NBN: variants seen among roughly 807,000 people sequenced by gnomAD.
NBN encodes the protein nibrin.
In NBN, 88 loss-of-function variants were observed where a neutral mutation model predicts 90.8. The ratio of observed to expected loss-of-function variants is 0.97; its 90% CI spans 0.82 to 1.16. The LOEUF (loss-of-function observed/expected upper bound fraction) is 1.16, where lower values mean the gene tolerates loss of function less well. NBN is among the 50% of genes most tolerant of loss of function. The pLI is 0.00. For synonymous variants in NBN, 328 were observed against 295.1 expected (o/e 1.11, Z -1.14); for missense variants, 894 against 869.6 (o/e 1.03, Z -0.35).
At chr8:89,981,783 T>C (rs1812083088) in intron 2 of NBN, 1 of 507,630 alleles carries the variant, frequency 2.0e-6, no homozygotes, top group Non-Finnish European at 3.5e-6. Context: ...GGGATTCTCC[T>C]GACCCCTCAC....
Position 89,939,589 on chromosome 8 carries a change from G to A in NBN, c.2185-2514C>T, listed in dbSNP as rs139841066. 3.3e-4 allele frequency among the ~76,000 whole-genome samples: 50 copies of A among 152,322 alleles called. No individual in the cohort carries two copies. The East Asian group carries it at 7.7e-3, about 23-fold the overall frequency. On this transcript the variant is annotated intron_variant, in intron 14 of 15. Transcript: ENST00000265433. ...TGCCATACGCTTAAAAAGTGCAGCT[G>A]TAAAAAGAACCAAATGATTCTGATG...
intron 11 of NBN, among the ~76,000 whole-genome samples, chr8:89,948,263 AT>A (rs1282474354): frequency 5.3e-5 from 8 of 152,226 alleles, no homozygotes; most frequent in African/African-American, 1.9e-4. Flanking sequence ...AAATACCAAA[AT>A]ATTAACCATG....
chr8:89,984,567 C>T lies in NBN; in HGVS notation c.-6G>A. 1 of 1,613,016 alleles carries T rather than the reference C, an allele frequency of 6.2e-7. No individual in the cohort carries two copies. The highest frequency in any genetic ancestry group is 2.2e-5 in the East Asian group (1 of 44,860). ...GCGGGCAGCAGTTTCCACATCGGTC[C>T]GGCTCCTCAGGGCTGGGGCCGACGT... On this transcript the variant is annotated 5_prime_UTR_variant, in exon 1 of 16. Coordinates refer to ENST00000265433, the MANE Select transcript of NBN (RefSeq NM_002485.5).
rs751570713 is a variant in NBN at position 89,935,609 on chromosome 8, G to A, written c.2238C>T (p.Tyr746=). The A allele has an allele frequency of 6.2e-7, 1 of 1,607,556 alleles. No homozygotes were observed. ...EESLADDLFR[Y]NPYLKRRR ...ATCTTCTCCTTTTTAAATAAGGATTGTATCTGCAAAGAAAGAAATGGGGTT... is the reference window on the plus strand; with the variant it reads ...ATCTTCTCCTTTTTAAATAAGGATTATATCTGCAAAGAAAGAAATGGGGTT... Residue 746 remains tyrosine, a synonymous_variant, in exon 16 of 16, where the codon TAC becomes TAT. Coordinates refer to ENST00000265433, the MANE Select transcript of NBN (RefSeq NM_002485.5).
At chr8:89,936,945 C>G (rs1318485887) in intron 15 of NBN, 81 bp downstream of exon 15, 2 of 1,165,004 alleles carry the variant, frequency 1.7e-6, no homozygotes, top group Admixed American at 1.7e-5. Context: ...ACAGAAGAAA[C>G]AAATTCTTAA....
At chr8:89,960,690 G>C (rs1468336687) in intron 8 of NBN, among the ~76,000 whole-genome samples, 1 of 151,810 alleles carries the variant, frequency 6.6e-6, no homozygotes, top group Non-Finnish European at 1.5e-5. Context: ...CAAAATAACT[G>C]GTGTTTGTTA....
At chr8:89,964,584 C>G in intron 7 of NBN, 77 bp from the exon 8 acceptor site, 1 of 1,411,382 alleles carries the variant, frequency 7.1e-7, no homozygotes, top group Non-Finnish European at 9.8e-7. Flanking sequence ...CAAGATAAAG[C>G]AACCTCTTTT....
chr8:89,942,451 G>GA (rs1809994467), intron 14 of NBN, among the ~76,000 whole-genome samples: 1 of 152,070 alleles, frequency 6.6e-6, no homozygotes, highest in African/African-American at 2.4e-5. Flanking sequence ...GAGTTACAAA[G>GA]AAAACAATCA....
intron 8 of NBN, among the ~76,000 whole-genome samples, chr8:89,960,593 G>A (rs1370918035): frequency 3.3e-5 from 5 of 152,084 alleles, no homozygotes; most frequent in Non-Finnish European, 7.4e-5. Context: ...TCAAGGCTGC[G>A]TGAGTTATGA....
chr8:89,957,293 G>A (rs1021975763), intron 9 of NBN, among the ~76,000 whole-genome samples: 11 of 152,102 alleles, frequency 7.2e-5, no homozygotes, highest in African/African-American at 2.7e-4. Flanking sequence ...GTATGTTTAT[G>A]TCTTTGTTTT....
chr8:89,973,495 T>C (rs1811605300), intron 5 of NBN, among the ~76,000 whole-genome samples: 2 of 152,216 alleles, frequency 1.3e-5, no homozygotes, highest in Admixed American at 1.3e-4. Flanking sequence ...ACATGGGTTA[T>C]TCTTAGTAAT....
intron 8 of NBN, among the ~76,000 whole-genome samples, chr8:89,962,914 T>G (rs1464606629): frequency 6.6e-6 from 1 of 152,242 alleles, no homozygotes; most frequent in Admixed American, 6.5e-5. Context: ...CCATTTGTAC[T>G]GCAATGTGAT....
chr8:89,978,706 C>T (rs534322017), intron 4 of NBN, among the ~76,000 whole-genome samples: 2 of 152,148 alleles, frequency 1.3e-5, no homozygotes, highest in African/African-American at 4.8e-5. Flanking sequence ...ATATCTGCTT[C>T]AGGGAAGACA....
chr8:89,975,385 C>T (rs1432685077), intron 5 of NBN, among the ~76,000 whole-genome samples: 1 of 152,150 alleles, frequency 6.6e-6, no homozygotes, highest in Admixed American at 6.5e-5. Flanking sequence ...TTTCGTAACC[C>T]ATTCCTTCTA....
At chr8:89,966,256 G>A (rs528301342) in intron 7 of NBN, among the ~76,000 whole-genome samples, 8 of 152,216 alleles carry the variant, frequency 5.3e-5, no homozygotes, top group Non-Finnish European at 8.8e-5. Context: ...GAGAAATAAC[G>A]ATTACAAAGG....
At chr8:89,979,858 T>C (rs13312864) in intron 4 of NBN, among the ~76,000 whole-genome samples, 3,435 of 152,286 alleles carry the variant, frequency 0.023, 127 homozygotes, top group African/African-American at 0.077. Flanking sequence ...TACCTTTGAT[T>C]GTATTTCACA....
intron 14 of NBN, among the ~76,000 whole-genome samples, chr8:89,940,303 T>C (rs1809881146): frequency 6.6e-6 from 1 of 152,078 alleles, no homozygotes. Context: ...TATTTATTTT[T>C]TTGTAGAGAC....
In NBN at chr8:89,958,711, T is replaced by C. The variant is rs781128583; in HGVS notation, c.1124+14A>G. On this transcript the variant is annotated intron_variant, in intron 9 of 15. Coordinates refer to ENST00000265433, the MANE Select transcript of NBN (RefSeq NM_002485.5). ...TAGAATAATAACAATAGTACGGTAA[T>C]GAAGAAGCTTTACCATGTATCTGCT... 5.6e-6 allele frequency: 9 copies of C among 1,611,714 alleles called. No individual in the cohort carries two copies. Among genetic ancestry groups the C allele is most frequent in the Non-Finnish European group, 7.6e-6 (9 of 1,177,860 alleles).
intron 13 of NBN, among the ~76,000 whole-genome samples, chr8:89,944,767 G>A (rs1470067245): frequency 1.3e-5 from 2 of 152,100 alleles, no homozygotes; most frequent in Non-Finnish European, 2.9e-5. Context: ...TTTTTGTAGA[G>A]TTAGGGTTTC....
Sources: gnomAD v4.1 joint callset for allele counts (sites outside exome capture counted in the v4.1 genomes callset) on GRCh38, gnomAD v4.1.1 for gene constraint, MANE v1.5 for transcripts, NCBI Gene and HGNC (gene_info 2026-07-23, HGNC 2026-07-21) for gene names.